Variants in BBS4 observed in about 807,000 individuals in gnomAD.
The protein encoded by BBS4 is BBSome complex member BBS4.
BBS4 carries 58 observed loss-of-function variants against 71.4 expected under a neutral mutation model. That is an observed-to-expected ratio of 0.81 (90% CI 0.66 to 1.01). The LOEUF (loss-of-function observed/expected upper bound fraction) is 1.01, where lower values mean the gene tolerates loss of function less well. BBS4 is among the 50% of genes least tolerant of loss of function. The pLI, the probability that BBS4 is intolerant of heterozygous loss-of-function variation, is 0.00. For missense variants in BBS4, 660 were observed against 607.9 expected, an observed-to-expected ratio of 1.09 and a Z score of -0.90; for synonymous variants, 228 against 216.8, an observed-to-expected ratio of 1.05 and a Z score of -0.46.
At chr15:72,686,785 A>G (rs1179574069) in intron 1 of BBS4, 1 of 357,908 alleles carries the variant, frequency 2.8e-6, no homozygotes, top group Non-Finnish European at 5.5e-6. Flanking sequence ...CGATGAATTC[A>G]GGATGACCTA....
intron 9 of BBS4, among the ~76,000 whole-genome samples, chr15:72,728,692 T>C (rs1423002987): frequency 6.6e-6 from 1 of 152,168 alleles, no homozygotes; most frequent in Non-Finnish European, 1.5e-5. Context: ...CAAAGTATAC[T>C]TTTATCTAGA....
intron 5 of BBS4, among the ~76,000 whole-genome samples, chr15:72,715,767 T>C (rs1037546016): frequency 1.1e-4 from 17 of 152,232 alleles, no homozygotes; most frequent in Admixed American, 1.1e-3. Context: ...CAGTAAGTTT[T>C]TAGTAAGGAC....
chr15:72,701,635 C>G (rs1240350131), intron 2 of BBS4, among the ~76,000 whole-genome samples: 3 of 152,108 alleles, frequency 2.0e-5, no homozygotes, highest in African/African-American at 7.2e-5. Context: ...CTTGAAAATA[C>G]TCAAGAAATG....
intron 7 of BBS4, among the ~76,000 whole-genome samples, chr15:72,724,076 G>A (rs1256705655): frequency 6.6e-6 from 1 of 152,180 alleles, no homozygotes; most frequent in Non-Finnish European, 1.5e-5. Flanking sequence ...AGAACAGCAA[G>A]CAGTTGGGTG....
intron 1 of BBS4, among the ~76,000 whole-genome samples, chr15:72,689,309 A>G (rs1268470973): frequency 2.0e-5 from 3 of 152,240 alleles, no homozygotes; most frequent in African/African-American, 7.2e-5. Flanking sequence ...AAACTGAGTA[A>G]AACTAGCCCA....
At position 72,709,753 on chromosome 15, in the gene BBS4, A is replaced by G. The variant is rs749951346; in HGVS notation, c.130A>G (p.Ile44Val). ...GAACTGGTTGATTCATCTTCATTAT[A>G]TCCGGAAAGATTATGAAGCCTGCAA... ...KQNWLIHLHYIRKDYEACKAV... is the reference protein window; with the variant it reads ...KQNWLIHLHYVRKDYEACKAV... Residue 44 changes from isoleucine (I) to valine (V), a missense_variant, in exon 3 of 16, where the codon ATC becomes GTC. Physicochemically the swap from Ile to Val is conservative, Grantham distance 29 (BLOSUM62 3). Coordinates refer to ENST00000268057, the MANE Select transcript of BBS4 (RefSeq NM_033028.5). The G allele has an allele frequency of 1.2e-6, 2 of 1,613,184 alleles. No individual in the cohort carries two copies. The highest frequency in any genetic ancestry group is 1.7e-6 in the Non-Finnish European group (2 of 1,179,314).
At chr15:72,702,819 T>A (rs2065195003) in intron 2 of BBS4, among the ~76,000 whole-genome samples, 1 of 129,338 alleles carries the variant, frequency 7.7e-6, no homozygotes, top group Non-Finnish European at 1.7e-5. Context: ...TTTTTTTTTT[T>A]TTTTTTGAGA....
intron 2 of BBS4, among the ~76,000 whole-genome samples, chr15:72,703,249 C>T (rs2065208876): frequency 6.6e-6 from 1 of 152,160 alleles, no homozygotes; most frequent in African/African-American, 2.4e-5. Context: ...CCCCGACCTT[C>T]AGGCCTCAGA....
At chr15:72,732,073 G>T (rs1223899669) in intron 12 of BBS4, among the ~76,000 whole-genome samples, 1 of 152,154 alleles carries the variant, frequency 6.6e-6, no homozygotes, top group Admixed American at 6.5e-5. Context: ...TTTAGGTAGG[G>T]TCCTGCCTCT....
At position 72,724,581 on chromosome 15, in the gene BBS4, T is replaced by TA. The variant is rs779047261; in HGVS notation, c.514dup (p.Ile172AsnfsTer18). 17 of 1,613,992 alleles carry TA rather than the reference T, an allele frequency of 1.1e-5. No individual in the cohort carries two copies. The highest frequency in any genetic ancestry group is 1.7e-5 in the Admixed American group (1 of 60,002). On this transcript the variant is annotated frameshift_variant, in exon 8 of 16. Transcript: ENST00000268057. LOFTEE classifies it high-confidence loss of function. The stretch of plus-strand genomic sequence containing the variant: ...ATCTTAATAGGCACGATCTGACTTA[T>TA]ATAATGCTGGGGAAGATCCACTTGC...
intron 2 of BBS4, among the ~76,000 whole-genome samples, chr15:72,705,323 A>G (rs1407149663): frequency 6.6e-6 from 1 of 152,200 alleles, no homozygotes; most frequent in East Asian, 1.9e-4. Context: ...TGAGGAAACT[A>G]TAAATTTCCC....
At chr15:72,737,151 A>C in intron 15 of BBS4, 188 bp downstream of exon 15, 1 of 698,634 alleles carries the variant, frequency 1.4e-6, no homozygotes. Context: ...GCTATGTAGT[A>C]GGTAACAGCT....
chr15:72,729,644 A>G lies in BBS4; in HGVS notation c.671A>G (p.His224Arg). ...QLGIYQKAFE[H>R]LGNALTYDPT... ...GGCATTTACCAGAAGGCATTTGAACATCTTGGCAATGCACTGACTTATGAC... is the reference window on the plus strand; with the variant it reads ...GGCATTTACCAGAAGGCATTTGAACGTCTTGGCAATGCACTGACTTATGAC... The change falls in exon 10 of 16, where the codon CAT becomes CGT. Residue 224 changes from histidine to arginine, a missense_variant. Coordinates refer to ENST00000268057, the MANE Select transcript of BBS4 (RefSeq NM_033028.5). The G allele has an allele frequency of 6.2e-7, 1 of 1,614,052 alleles. No individual in the cohort carries two copies. The highest frequency in any genetic ancestry group is 8.5e-7 in the Non-Finnish European group (1 of 1,179,994).
chr15:72,736,026 C>T, intron 14 of BBS4, 60 bp downstream of exon 14: 1 of 1,599,066 alleles, frequency 6.3e-7, no homozygotes, highest in Admixed American at 1.7e-5. Context: ...TTTTAAAAAT[C>T]AAGCCCAGAT....
At chr15:72,734,765 T>C (rs1368374606) in intron 12 of BBS4, among the ~76,000 whole-genome samples, 1 of 151,994 alleles carries the variant, frequency 6.6e-6, no homozygotes, top group Non-Finnish European at 1.5e-5. Context: ...CTAAGTAGGA[T>C]GGTAATGTGG....
rs2065971733 is a variant in BBS4 at position 72,738,438 on chromosome 15, AAAC to A, written c.*854_*856del. The A allele has an allele frequency of 5.3e-6, 2 of 377,394 alleles. No homozygotes were observed. The highest frequency in any genetic ancestry group is 1.0e-5 in the Non-Finnish European group (2 of 194,878). The allele number at this position is 377,394 out of a possible 1,614,324, so 23.4% of individuals were successfully genotyped here. On this transcript the variant is annotated 3_prime_UTR_variant, in exon 16 of 16. Coordinates refer to ENST00000268057, the MANE Select transcript of BBS4 (RefSeq NM_033028.5). The stretch of plus-strand genomic sequence containing the variant: ...GGGGAAAATTGTTATTCAGGTATAA[AAAC>A]AAGAGATCATAATAAAAACCTAAAA...
chr15:72,731,477 C>G lies in BBS4; in HGVS notation c.864+20C>G, dbSNP rs753099644. On this transcript the variant is annotated intron_variant, in intron 11 of 15. Coordinates refer to ENST00000268057, the MANE Select transcript of BBS4 (RefSeq NM_033028.5). ...GTGGCGGTGAGTGTCCCCTCATGTT[C>G]TTTGTTTGTATTTCTACATGTGGTT... The G allele has an allele frequency of 2.7e-5, 44 of 1,614,002 alleles. No homozygotes were observed. Among genetic ancestry groups the G allele is most frequent in the Admixed American group, 2.0e-4 (12 of 60,014 alleles).
At chr15:72,689,508 G>C (rs1268120824) in intron 1 of BBS4, among the ~76,000 whole-genome samples, 3 of 152,062 alleles carry the variant, frequency 2.0e-5, no homozygotes, top group African/African-American at 7.2e-5. Context: ...TGAGGTGAGA[G>C]GATAACTTGA....
At chr15:72,689,746 A>T (rs2064948069) in intron 1 of BBS4, among the ~76,000 whole-genome samples, 1 of 151,784 alleles carries the variant, frequency 6.6e-6, no homozygotes, top group South Asian at 2.1e-4. Flanking sequence ...ATGAGCAACT[A>T]ACTCTGGCTT....
Sources: gnomAD v4.1 joint callset for allele counts (sites outside exome capture counted in the v4.1 genomes callset) on GRCh38, gnomAD v4.1.1 for gene constraint, MANE v1.5 for transcripts, NCBI Gene and HGNC (gene_info 2026-07-23, HGNC 2026-07-21) for gene names.